Variants in CRIM1 observed in about 807,000 individuals in gnomAD.
CRIM1 encodes the protein cysteine rich transmembrane BMP regulator 1, also known as cysteine-rich motor neuron 1 protein.
A neutral mutation model predicts 116.4 loss-of-function variants in CRIM1; 32 were observed. The observed-to-expected ratio is 0.27, with a 90% CI of 0.21 to 0.37. The LOEUF (loss-of-function observed/expected upper bound fraction) is 0.37, where lower values mean the gene tolerates loss of function less well. Among genes scored for constraint, CRIM1 ranks in the 10% least tolerant of loss-of-function variants. The pLI is 1.00. For synonymous variants in CRIM1, 590 were observed against 509.2 expected (o/e 1.16, Z -2.13); for missense variants, 1,331 against 1,354.8 (o/e 0.98, Z 0.28).
intron 14 of CRIM1, 27 bp downstream of exon 14, chr2:36,537,573 G>T: frequency 6.4e-7 from 1 of 1,567,360 alleles, no homozygotes; most frequent in Non-Finnish European, 8.6e-7. Context: ...CCTTCCATTT[G>T]TCAAGCTGTA....
chr2:36,410,506 G>T (rs1477742921), intron 2 of CRIM1, among the ~76,000 whole-genome samples: 1 of 151,494 alleles, frequency 6.6e-6, no homozygotes, highest in African/African-American at 2.4e-5. Flanking sequence ...CCTTGTCAGG[G>T]TTTTCTTTTT....
intron 1 of CRIM1, among the ~76,000 whole-genome samples, chr2:36,378,165 T>C (rs961510741): frequency 1.3e-5 from 2 of 152,244 alleles, no homozygotes; most frequent in Non-Finnish European, 2.9e-5. Flanking sequence ...TGCTCTGTAA[T>C]TGAATAGCCT....
At chr2:36,387,754 G>A (rs752890345) in intron 1 of CRIM1, among the ~76,000 whole-genome samples, 4 of 152,294 alleles carry the variant, frequency 2.6e-5, no homozygotes, top group Non-Finnish European at 5.9e-5. Context: ...AGAGTATCTG[G>A]ATGAGTTAAC....
chr2:36,497,343 A>G (rs965053631), intron 7 of CRIM1, among the ~76,000 whole-genome samples: 4 of 152,132 alleles, frequency 2.6e-5, no homozygotes, highest in African/African-American at 4.8e-5. Context: ...CTTGCCTTCT[A>G]CGCTCTCTCA....
intron 1 of CRIM1, among the ~76,000 whole-genome samples, chr2:36,391,423 C>G (rs1461115159): frequency 2.0e-5 from 3 of 151,698 alleles, no homozygotes; most frequent in African/African-American, 7.3e-5. Flanking sequence ...CCACCGCGCC[C>G]GGCCCACTTT....
At chr2:36,415,897 T>C (rs906651393) in intron 2 of CRIM1, among the ~76,000 whole-genome samples, 6 of 152,174 alleles carry the variant, frequency 3.9e-5, no homozygotes, top group African/African-American at 7.2e-5. Flanking sequence ...TTAATGAGTG[T>C]CTGATGATTT....
rs144641491 is a variant in CRIM1, at chr2:36,543,860, TATACTC to T, written c.2624-513_2624-508del. On this transcript the variant is annotated intron_variant, in intron 14 of 16. Transcript: ENST00000280527. ...GGTAACATAATGGACATCTGAGACT[TATACTC>T]ATGAGGTCTACCTACAGTCCATTCC... is the stretch of plus-strand genomic sequence containing the variant. Among the ~76,000 whole-genome samples the T allele has an allele frequency of 6.2e-3, 948 of 152,302 alleles. 12 individuals carry two copies. The highest frequency in any genetic ancestry group is 0.022 in the African/African-American group (915 of 41,554).
chr2:36,396,851 A>G, intron 2 of CRIM1, 64 bp downstream of exon 2: 1 of 1,362,200 alleles, frequency 7.3e-7, no homozygotes, highest in Non-Finnish European at 1.0e-6. Flanking sequence ...CCTGAGTAGT[A>G]ATAGTATTTG....
chr2:36,375,415 C>T (rs1448423383), intron 1 of CRIM1, among the ~76,000 whole-genome samples: 1 of 152,138 alleles, frequency 6.6e-6, no homozygotes, highest in Non-Finnish European at 1.5e-5. Context: ...TTGATTTCTG[C>T]AATCTTTATT....
intron 8 of CRIM1, among the ~76,000 whole-genome samples, chr2:36,505,392 A>C (rs536189511): frequency 6.9e-6 from 1 of 144,998 alleles, no homozygotes; most frequent in African/African-American, 2.6e-5. Context: ...CTGGTCACGA[A>C]AACATCACCA....
chr2:36,506,707 C>T (rs1311187321), intron 8 of CRIM1, among the ~76,000 whole-genome samples: 1 of 152,058 alleles, frequency 6.6e-6, no homozygotes, highest in African/African-American at 2.4e-5. Context: ...TTTTAGATCA[C>T]GGTAAAGTCA....
intron 1 of CRIM1, among the ~76,000 whole-genome samples, chr2:36,371,182 C>G (rs1444933826): frequency 6.6e-6 from 1 of 152,182 alleles, no homozygotes; most frequent in Non-Finnish European, 1.5e-5. Context: ...TGGCATCCCT[C>G]AAGCCCTGCC....
chr2:36,387,968 T>C (rs77843359), intron 1 of CRIM1, among the ~76,000 whole-genome samples: 7 of 152,050 alleles, frequency 4.6e-5, no homozygotes, highest in South Asian at 2.1e-4. Context: ...TTTTTTTTTT[T>C]CAGCTTGTCT....
In CRIM1 at chr2:36,421,469, G is replaced by A. The variant is rs541302755; in HGVS notation, c.506-19789G>A. The stretch of plus-strand genomic sequence containing the variant: ...TGGTGGTAGTAAGATGACTAGATAT[G>A]AGCCCAGTTTAAACTCAAATTCTTA... On this transcript the variant is annotated intron_variant, in intron 2 of 16. Coordinates refer to ENST00000280527, the MANE Select transcript of CRIM1 (RefSeq NM_016441.3). Among the ~76,000 whole-genome samples, 4 of 152,220 alleles carry A rather than the reference G, an allele frequency of 2.6e-5. No homozygotes were observed. In the East Asian group the frequency reaches 7.7e-4, roughly 29 times the overall value.
At chr2:36,540,075 G>A (rs1666843346) in intron 14 of CRIM1, among the ~76,000 whole-genome samples, 2 of 152,050 alleles carry the variant, frequency 1.3e-5, no homozygotes, top group Non-Finnish European at 2.9e-5. Context: ...AGGAGCACCA[G>A]GAATAAAGGA....
chr2:36,477,041 C>A lies in CRIM1; in HGVS notation c.1144C>A (p.Pro382Thr), dbSNP rs901533541. The change falls in exon 6 of 17, where the codon CCC becomes ACC. Residue 382 changes from proline (P) to threonine (T), a missense_variant. Physicochemically the swap from Pro to Thr is conservative, Grantham distance 38. Coordinates refer to ENST00000280527, the MANE Select transcript of CRIM1 (RefSeq NM_016441.3). Reference protein sequence around the residue: ...GEINCERYYVPEGECCPVCED... With the variant: ...GEINCERYYVTEGECCPVCED... The stretch of plus-strand genomic sequence containing the variant: ...GATAAACTGCGAGAGGTACTACGTG[C>A]CCGAAGGAGAGTGCTGCCCAGTGTG... The A allele has an allele frequency of 1.2e-6, 2 of 1,613,298 alleles. No homozygotes were observed. The highest frequency in any genetic ancestry group is 2.7e-5 in the African/African-American group (2 of 74,868).
intron 7 of CRIM1, among the ~76,000 whole-genome samples, chr2:36,484,602 G>A (rs1679680115): frequency 6.6e-6 from 1 of 152,134 alleles, no homozygotes; most frequent in Non-Finnish European, 1.5e-5. Context: ...TGGGGACTTT[G>A]AAGTCTTGAT....
At chr2:36,439,156 G>C (rs1365949995) in intron 2 of CRIM1, among the ~76,000 whole-genome samples, 8 of 152,228 alleles carry the variant, frequency 5.3e-5, no homozygotes. Context: ...GGAAAATTAA[G>C]TGTAGTCATA....
rs146927946 is a variant in CRIM1 at position 36,398,329 on chromosome 2, C to T, written c.505+1542C>T. 3.8e-3 allele frequency among the ~76,000 whole-genome samples: 576 copies of T among 152,264 alleles called. 2 individuals are homozygous for T. The highest frequency in any genetic ancestry group is 0.013 in the African/African-American group (552 of 41,534). On this transcript the variant is annotated intron_variant, in intron 2 of 16. Transcript: ENST00000280527. ...CTCCTGAACATGCCCTCTTCACTGC[C>T]ACCTAAGTTGTTTGAGATGCAGCAG... is the stretch of plus-strand genomic sequence containing the variant.
Sources: gnomAD v4.1 joint callset for allele counts (sites outside exome capture counted in the v4.1 genomes callset) on GRCh38, gnomAD v4.1.1 for gene constraint, MANE v1.5 for transcripts, NCBI Gene and HGNC (gene_info 2026-07-23, HGNC 2026-07-21) for gene names.